LY96: variants seen among roughly 807,000 people sequenced by gnomAD.
LY96 encodes the protein lymphocyte antigen 96.
LY96 carries 18 observed loss-of-function variants against 18.9 expected under a neutral mutation model. That is an observed-to-expected ratio of 0.95 (90% CI 0.66 to 1.41). LY96 has a LOEUF of 1.41. Among genes scored for constraint, LY96 ranks in the 40% most tolerant of loss-of-function variants. LY96 has a pLI of 0.00. For synonymous variants in LY96, 66 were observed against 62.6 expected (o/e 1.06, Z -0.26); for missense variants, 175 against 182.4 (o/e 0.96, Z 0.23).
chr8:74,081,058 TTC>T, the LY96 span, among the ~76,000 whole-genome samples: 2 of 130,426 alleles, frequency 1.5e-5, no homozygotes, highest in African/African-American at 7.1e-5. Context: ...TTTTCTTTCT[TTC>T]TTTCTTACTT....
the LY96 span, among the ~76,000 whole-genome samples, chr8:74,045,299 C>A: frequency 6.6e-6 from 1 of 152,048 alleles, no homozygotes; most frequent in Non-Finnish European, 1.5e-5. Context: ...ATATAAAAAC[C>A]ATACAGGGAA....
At chr8:74,043,739 TTTAA>T in the LY96 span, among the ~76,000 whole-genome samples, 1 of 152,352 alleles carries the variant, frequency 6.6e-6, no homozygotes, top group Non-Finnish European at 1.5e-5. Context: ...TCTTTCATCA[TTTAA>T]TTGAGATGAT....
the LY96 span, among the ~76,000 whole-genome samples, chr8:74,072,637 A>G: frequency 1.3e-5 from 2 of 152,250 alleles, no homozygotes; most frequent in African/African-American, 4.8e-5. Context: ...TTTTGATAAT[A>G]CACTGAAAAA....
At chr8:73,998,706 A>G (rs1214169523) in intron 1 of LY96, among the ~76,000 whole-genome samples, 2 of 152,050 alleles carry the variant, frequency 1.3e-5, no homozygotes, top group African/African-American at 2.4e-5. Flanking sequence ...AAAAGGAAAA[A>G]TGCCATTAGG....
the LY96 span, among the ~76,000 whole-genome samples, chr8:74,057,354 C>T: frequency 2.0e-5 from 3 of 152,082 alleles, no homozygotes; most frequent in African/African-American, 2.4e-5. Context: ...ATTATGATAC[C>T]GTAACACAAA....
intron 4 of LY96, among the ~76,000 whole-genome samples, chr8:74,027,657 G>A (rs961033560): frequency 6.6e-6 from 1 of 152,142 alleles, no homozygotes; most frequent in African/African-American, 2.4e-5. Flanking sequence ...TCTGTAACTG[G>A]TTACAGGGAG....
rs1563707839 is a variant in LY96 at position 73,996,373 on chromosome 8, C to CTTCA, written c.112+4821_112+4822insCATT. On this transcript the variant is annotated intron_variant, in intron 1 of 4. Transcript: ENST00000284818. ...CCTTCCTTCCTTCCTTCCTTCATTC[C>CTTCA]TTTCTTTCTTTCTTTCTTTCTTTCT... Among the ~76,000 whole-genome samples the CTTCA allele has an allele frequency of 8.4e-3, 151 of 18,028 alleles. 2 individuals are homozygous for CTTCA. Among genetic ancestry groups the CTTCA allele is most frequent in the Middle Eastern group, 0.056 (2 of 36 alleles). The allele number at this position is 18,028 out of a possible 152,430, so 11.8% of individuals were successfully genotyped here. A position where few individuals can be genotyped will look rare whatever the true frequency, so the allele number is the denominator to read the frequency against.
the LY96 span, among the ~76,000 whole-genome samples, chr8:74,072,572 T>G: frequency 6.6e-6 from 1 of 152,238 alleles, no homozygotes; most frequent in Non-Finnish European, 1.5e-5. Flanking sequence ...TTCTTTCAAA[T>G]AAATCTTAAA....
chr8:74,005,442 A>G (rs911520572), intron 2 of LY96, among the ~76,000 whole-genome samples: 3 of 152,210 alleles, frequency 2.0e-5, no homozygotes, highest in Non-Finnish European at 4.4e-5. Context: ...ATTACACAAG[A>G]ACATGTGGGT....
the LY96 span, among the ~76,000 whole-genome samples, chr8:74,093,969 C>T: frequency 1.3e-5 from 2 of 152,108 alleles, no homozygotes; most frequent in African/African-American, 2.4e-5. Flanking sequence ...CTTTCATAGG[C>T]TACTTCTTAG....
chr8:74,046,294 C>T, the LY96 span, among the ~76,000 whole-genome samples: 8 of 151,876 alleles, frequency 5.3e-5, no homozygotes, highest in African/African-American at 1.7e-4. Flanking sequence ...AATAAGACAC[C>T]CAGAATAACT....
chr8:74,010,228 C>A, intron 3 of LY96, 99 bp downstream of exon 3: 1 of 1,154,748 alleles, frequency 8.7e-7, no homozygotes, highest in Non-Finnish European at 1.3e-6. Flanking sequence ...TCCTTTTCTG[C>A]TAATAATTCT....
At chr8:74,058,979 G>A in the LY96 span, among the ~76,000 whole-genome samples, 6 of 152,168 alleles carry the variant, frequency 3.9e-5, no homozygotes, top group African/African-American at 1.4e-4. Flanking sequence ...TTCAGCTCAA[G>A]CAGTCAAGCA....
At chr8:74,067,029 C>T in the LY96 span, among the ~76,000 whole-genome samples, 1 of 152,150 alleles carries the variant, frequency 6.6e-6, no homozygotes, top group African/African-American at 2.4e-5. Flanking sequence ...GGCAAGTGTT[C>T]TTGTGCATCC....
the LY96 span, among the ~76,000 whole-genome samples, chr8:74,095,272 G>A: frequency 1.3e-5 from 2 of 152,168 alleles, no homozygotes; most frequent in Non-Finnish European, 2.9e-5. Flanking sequence ...AGAACAAAGA[G>A]TCAGTAAATT....
At position 74,004,843 on chromosome 8, in the gene LY96, T is replaced by C. The variant is rs545380815; in HGVS notation, c.160T>C (p.Leu54=). Reference sequence around the variant, plus strand: ...AATTAATGTTAACCCCTGTATAGAATTGAAAAGATCCAAAGGATTATTGCA... The same window carrying C: ...AATTAATGTTAACCCCTGTATAGAACTGAAAAGATCCAAAGGATTATTGCA... ...ISINVNPCIE[L]KRSKGLLHIF... Residue 54 remains leucine, a synonymous_variant, in exon 2 of 5, where the codon TTG becomes CTG. Coordinates refer to ENST00000284818, the MANE Select transcript of LY96 (RefSeq NM_015364.5). The C allele has an allele frequency of 1.9e-5, 30 of 1,591,692 alleles. No homozygotes were observed. Among genetic ancestry groups the C allele is most frequent in the African/African-American group, 1.3e-4 (10 of 74,608 alleles).
At chr8:74,034,140 A>C in the LY96 span, among the ~76,000 whole-genome samples, 30,559 of 152,128 alleles carry the variant, frequency 0.2, 3,596 homozygotes, top group African/African-American at 0.33. Context: ...TGGGAGGCCA[A>C]GGTGGGTGGA....
intron 3 of LY96, among the ~76,000 whole-genome samples, chr8:74,026,564 G>A (rs562691193): frequency 6.6e-6 from 1 of 152,298 alleles, no homozygotes; most frequent in African/African-American, 2.4e-5. Context: ...TTAATAGTTT[G>A]TGTCCCCTAA....
At chr8:74,014,400 A>G (rs1404475418) in intron 3 of LY96, among the ~76,000 whole-genome samples, 1 of 151,598 alleles carries the variant, frequency 6.6e-6, no homozygotes, top group Non-Finnish European at 1.5e-5. Context: ...AAAAGAAAAA[A>G]AAAAAAGCAC....
Sources: gnomAD v4.1 joint callset for allele counts (sites outside exome capture counted in the v4.1 genomes callset) on GRCh38, gnomAD v4.1.1 for gene constraint, MANE v1.5 for transcripts, NCBI Gene and HGNC (gene_info 2026-07-23, HGNC 2026-07-21) for gene names.